Variants in ACSM5 observed in about 807,000 individuals in gnomAD.
ACSM5 encodes the protein acyl-coenzyme A synthetase ACSM5, mitochondrial.
Under a neutral mutation model 71.6 loss-of-function variants are expected in ACSM5, and 56 were observed. The ratio of observed to expected loss-of-function variants is 0.78; its 90% CI spans 0.63 to 0.98. The LOEUF is 0.98. Ranked by LOEUF, ACSM5 falls within the 50% of genes least tolerant of loss-of-function variation. The pLI, the probability that ACSM5 is intolerant of heterozygous loss-of-function variation, is 0.00. For missense variants in ACSM5, 723 were observed against 726.0 expected, an observed-to-expected ratio of 1.00 and a Z score of 0.05; for synonymous variants, 285 against 281.5, an observed-to-expected ratio of 1.01 and a Z score of -0.12.
intron 10 of ACSM5, among the ~76,000 whole-genome samples, chr16:20,436,027 CT>C (rs1303331219): frequency 9.0e-6 from 1 of 111,210 alleles, no homozygotes; most frequent in Non-Finnish European, 1.8e-5. Flanking sequence ...TTCATTCTTT[CT>C]TTCTTTTTCT....
In ACSM5 at chr16:20,413,887, T is replaced by A. The variant is rs533525162; in HGVS notation, c.204+2199T>A. On this transcript the variant is annotated intron_variant, in intron 2 of 13. Transcript: ENST00000331849. ...TTTATTGGTTTCAGGCATTTAAAGA[T>A]ATTTCTGTCTAATCATAAGATGACT... Among the ~76,000 whole-genome samples the A allele has an allele frequency of 1.6e-4, 25 of 152,056 alleles. No individual in the cohort carries two copies. The South Asian group carries it at 5.2e-3, about 32-fold the overall frequency.
chr16:20,440,487 C>A lies in ACSM5; in HGVS notation c.*60C>A. The A allele has an allele frequency of 6.9e-7, 1 of 1,449,040 alleles. No individual in the cohort carries two copies. The highest frequency in any genetic ancestry group is 9.7e-7 in the Non-Finnish European group (1 of 1,029,644). The allele number at this position is 1,449,040 out of a possible 1,614,324, so 89.8% of individuals were successfully genotyped here. On this transcript the variant is annotated 3_prime_UTR_variant, in exon 14 of 14. Transcript: ENST00000331849. The stretch of plus-strand genomic sequence containing the variant: ...GACTCCACAAGAAACTAATGGATCA[C>A]TGGTCAGTCCCCATGGGGAGCATCA...
At chr16:20,411,749 A>G in intron 2 of ACSM5, 61 bp downstream of exon 2, 2 of 1,532,138 alleles carry the variant, frequency 1.3e-6, no homozygotes, top group Non-Finnish European at 1.8e-6. Flanking sequence ...CATGTACCAC[A>G]ATGAGACTCA....
At chr16:20,436,160 T>TCCCG (rs1362443062) in intron 10 of ACSM5, among the ~76,000 whole-genome samples, 1 of 131,022 alleles carries the variant, frequency 7.6e-6, no homozygotes, top group Admixed American at 7.7e-5. Context: ...CCTCCCTCCC[T>TCCCG]TCCTCCTTTC....
Position 20,411,588 on chromosome 16 carries a change from T to A in ACSM5, c.104T>A (p.Ile35Asn), listed in dbSNP as rs1174023055. Residue 35 changes from isoleucine to asparagine, a missense_variant, in exon 2 of 14, where the codon ATC becomes AAC. By Grantham distance (149) the Ile-to-Asn change is moderately radical. Transcript: ENST00000331849. ...KPAPLPVPQK[I>N]VATWEAISLG... ...GCACCTCTACCTGTTCCTCAGAAGA[T>A]CGTGGCCACCTGGGAAGCCATCAGC... 6.2e-7 allele frequency: 1 copy of A among 1,614,030 alleles called. No individual in the cohort carries two copies. The highest frequency in any genetic ancestry group is 1.3e-5 in the African/African-American group (1 of 74,930).
At chr16:20,424,894 G>A (rs1326190550) in intron 6 of ACSM5, among the ~76,000 whole-genome samples, 1 of 152,226 alleles carries the variant, frequency 6.6e-6, no homozygotes, top group Non-Finnish European at 1.5e-5. Context: ...ATATATTTAT[G>A]GGGTACATGA....
intron 13 of ACSM5, 112 bp downstream of exon 13, chr16:20,440,031 C>T: frequency 7.4e-7 from 1 of 1,347,376 alleles, no homozygotes; most frequent in Non-Finnish European, 1.0e-6. Context: ...TATGGAGAAA[C>T]TTGTAACCCT....
chr16:20,419,093 G>A, intron 3 of ACSM5, 135 bp from the exon 4 acceptor site: 1 of 740,362 alleles, frequency 1.4e-6, no homozygotes, highest in Non-Finnish European at 2.3e-6. Flanking sequence ...TTTTTAGGCT[G>A]TTATTATTAT....
Position 20,419,224 on chromosome 16 carries a change from C to T in ACSM5, c.416-4C>T, listed in dbSNP as rs747694328. The T allele has an allele frequency of 9.3e-6, 15 of 1,613,954 alleles. No homozygotes were observed. In the African/African-American group the frequency reaches 2.0e-4, roughly 22 times the overall value. ...ACTCAACATCCCCTTCTGTTTTATG[C>T]CAGGGACTGTGATGATTCCGGGTGT... On this transcript the variant is annotated splice_polypyrimidine_tract_variant and splice_region_variant and intron_variant, in intron 3 of 13. Transcript: ENST00000331849.
At chr16:20,421,098 C>T (rs1477439629) in intron 4 of ACSM5, 160 bp from the exon 5 acceptor site, 10 of 781,602 alleles carry the variant, frequency 1.3e-5, no homozygotes, top group African/African-American at 3.6e-5. Flanking sequence ...ATAGTACCTA[C>T]CCCATGAGGT....
chr16:20,427,440 G>T (rs1405810922), intron 6 of ACSM5, among the ~76,000 whole-genome samples: 2 of 152,250 alleles, frequency 1.3e-5, no homozygotes, highest in African/African-American at 4.8e-5. Flanking sequence ...TCAAAACATG[G>T]TGGCTTGCTT....
rs138216523 is a variant in ACSM5, at chr16:20,421,336, C to T, written c.702C>T (p.Thr234=). Reference sequence around the variant, plus strand: ...CCATCTACTTTACCAGCGGAACCACCGGGGCCCCCAAGATGGTCGAGCACT... The same window carrying T: ...CCATCTACTTTACCAGCGGAACCACTGGGGCCCCCAAGATGGTCGAGCACT... The part of the protein sequence containing the change: ...PLAIYFTSGT[T]GAPKMVEHSQ... Residue 234 remains threonine (T), a synonymous_variant, in exon 5 of 14, where the codon ACC becomes ACT. Coordinates refer to ENST00000331849, the MANE Select transcript of ACSM5 (RefSeq NM_017888.3). 1.5e-5 allele frequency: 24 copies of T among 1,609,684 alleles called. No individual in the cohort carries two copies. Among genetic ancestry groups the T allele is most frequent in the African/African-American group, 1.3e-4 (10 of 74,782 alleles).
At chr16:20,428,143 G>A (rs1967025996) in intron 7 of ACSM5, among the ~76,000 whole-genome samples, 1 of 152,160 alleles carries the variant, frequency 6.6e-6, no homozygotes, top group African/African-American at 2.4e-5. Flanking sequence ...ATAGATTTAA[G>A]GCAGACTGAA....
chr16:20,436,666 G>C (rs190127498), intron 10 of ACSM5, among the ~76,000 whole-genome samples: 4 of 152,036 alleles, frequency 2.6e-5, no homozygotes, highest in East Asian at 1.9e-4. Context: ...CACCACACCC[G>C]GCCTAGCCCT....
intron 12 of ACSM5, among the ~76,000 whole-genome samples, chr16:20,439,569 G>A (rs76177725): frequency 7.1e-6 from 1 of 141,128 alleles, no homozygotes; most frequent in African/African-American, 2.7e-5. Context: ...ATTTGAGAAA[G>A]AGGTAGGAGT....
chr16:20,421,316 T>C lies in ACSM5; in HGVS notation c.682T>C (p.Tyr228His), dbSNP rs1567342312. Residue 228 changes from tyrosine to histidine, a missense_variant, in exon 5 of 14, where the codon TAC (tyrosine) becomes CAC (histidine). By Grantham distance (83) the Tyr-to-His change is moderately conservative. Coordinates refer to ENST00000331849, the MANE Select transcript of ACSM5 (RefSeq NM_017888.3). The stretch of plus-strand genomic sequence containing the variant: ...AAAGAGTCGAGACCCGCTGGCCATC[T>C]ACTTTACCAGCGGAACCACCGGGGC... The part of the protein sequence containing the change: ...RTKSRDPLAI[Y>H]FTSGTTGAPK... The C allele has an allele frequency of 6.2e-7, 1 of 1,610,312 alleles. No individual in the cohort carries two copies. Among genetic ancestry groups the C allele is most frequent in the South Asian group, 1.1e-5 (1 of 90,366 alleles).
chr16:20,425,967 A>G (rs1966970592), intron 6 of ACSM5, among the ~76,000 whole-genome samples: 1 of 152,186 alleles, frequency 6.6e-6, no homozygotes, highest in African/African-American at 2.4e-5. Flanking sequence ...TGCTGGATCA[A>G]ATGGTAGTTC....
intron 4 of ACSM5, among the ~76,000 whole-genome samples, chr16:20,420,172 A>G (rs1363397586): frequency 1.3e-5 from 2 of 152,250 alleles, no homozygotes; most frequent in Non-Finnish European, 2.9e-5. Context: ...CCATTGAGTT[A>G]TGAATGCTCA....
chr16:20,425,574 AC>A (rs1173766046), intron 6 of ACSM5, among the ~76,000 whole-genome samples: 6 of 151,552 alleles, frequency 4.0e-5, no homozygotes, highest in Middle Eastern at 3.4e-3. Flanking sequence ...TTTATCCCTC[AC>A]CCCCTTCCCA....
Sources: gnomAD v4.1 joint callset for allele counts (sites outside exome capture counted in the v4.1 genomes callset) on GRCh38, gnomAD v4.1.1 for gene constraint, MANE v1.5 for transcripts, NCBI Gene and HGNC (gene_info 2026-07-23, HGNC 2026-07-21) for gene names.